Variants in NCOR2 observed in about 807,000 individuals in gnomAD.
The protein encoded by NCOR2 is nuclear receptor corepressor 2.
NCOR2 carries 81 observed loss-of-function variants against 262.9 expected under a neutral mutation model. The ratio of observed to expected loss-of-function variants is 0.31; its 90% confidence interval spans 0.26 to 0.37. NCOR2 has a LOEUF of 0.37. NCOR2 is among the 10% of genes least tolerant of loss of function. The pLI is 1.00. For missense variants in NCOR2, 3,385 were observed against 3,621.4 expected (o/e 0.93, Z 1.68); for synonymous variants, 1,659 against 1,559.3 (o/e 1.06, Z -1.51).
chr12:124,459,089 T>C (rs1361229404), intron 5 of NCOR2, among the ~76,000 whole-genome samples: 2 of 152,132 alleles, frequency 1.3e-5, no homozygotes, highest in Non-Finnish European at 2.9e-5. Flanking sequence ...GATAAAGGTA[T>C]GTGTGAAAGT....
At chr12:124,404,816 T>A (rs553902872) in intron 13 of NCOR2, among the ~76,000 whole-genome samples, 3 of 152,294 alleles carry the variant, frequency 2.0e-5, no homozygotes, top group Middle Eastern at 3.4e-3. Context: ...GAAGTCCTGA[T>A]GGAGATGAAA....
chr12:124,523,805 G>A lies in NCOR2; in HGVS notation c.-118+11760C>T, dbSNP rs971503989. Among the ~76,000 whole-genome samples the A allele has an allele frequency of 6.6e-6, 1 of 152,204 alleles. No homozygotes were observed. On this transcript the variant is annotated intron_variant, in intron 1 of 46. Transcript: ENST00000404621. The surrounding 1 kb of genome is among the most constrained non-coding windows in gnomAD (Gnocchi z 4.0). ...TTCCATTAATACATACTGGGAAACT[G>A]AGGCAGAGAGCAGTGAAGTGACTTG...
chr12:124,400,661 G>A (rs767128868), exon 15 of NCOR2: 48 of 1,613,992 alleles, frequency 3.0e-5, no homozygotes, highest in African/African-American at 5.3e-5. Flanking sequence ...CTGAGGTGTC[G>A]TCTGTCTTCT....
In NCOR2 at chr12:124,485,156, ATGTCCTCC is replaced by A. The variant is rs1266564385; in HGVS notation, c.233+1277_233+1284del. On this transcript the variant is annotated intron_variant, in intron 2 of 46. Transcript: ENST00000405201. ...TAGTGGCACTGCAGTGGCTCAAATA[ATGTCCTCC>A]CAAAATCCACGGCCACTGGAACCTC... is the stretch of plus-strand genomic sequence containing the variant. Among the ~76,000 whole-genome samples, 13 of 152,298 alleles carry A rather than the reference ATGTCCTCC, an allele frequency of 8.5e-5. No individual in the cohort carries two copies. In the East Asian group the frequency reaches 1.9e-3, roughly 23 times the overall value.
chr12:124,416,931 G>A (rs994913935), intron 13 of NCOR2, among the ~76,000 whole-genome samples: 6 of 152,224 alleles, frequency 3.9e-5, no homozygotes, highest in African/African-American at 1.4e-4. Context: ...CAATGGCTCT[G>A]AACAACCAGC....
chr12:124,404,860 T>A (rs928260991), intron 13 of NCOR2, among the ~76,000 whole-genome samples: 12 of 152,312 alleles, frequency 7.9e-5, no homozygotes, highest in African/African-American at 2.9e-4. Context: ...CCATGCCAAG[T>A]GCTTTGCAAA....
chr12:124,496,828 T>C (rs1454387075), upstream of NCOR2, among the ~76,000 whole-genome samples: 1 of 151,402 alleles, frequency 6.6e-6, no homozygotes, highest in Non-Finnish European at 1.5e-5. This position sits in a 1 kb window ranked among gnomAD's most constrained non-coding sequence, Gnocchi z 4.4. Flanking sequence ...AGGATGAGCC[T>C]GTGACCCAAT....
rs575246382 is a variant in NCOR2 at position 124,481,569 on chromosome 12, C to T, written c.411+2027G>A. Among the ~76,000 whole-genome samples, 15 of 152,150 alleles carry T rather than the reference C, an allele frequency of 9.9e-5. No homozygotes were observed. The highest frequency in any genetic ancestry group is 3.9e-4 in the East Asian group (2 of 5,190). ...AGGGCGCTCCTGCGGAGGGCACAGC[C>T]GGTGCAAAGGTCCCCAGGTGGGAAT... On this transcript the variant is annotated intron_variant, in intron 3 of 46. Transcript: ENST00000405201. This position sits in a 1 kb window ranked among gnomAD's most constrained non-coding sequence, Gnocchi z 4.6.
At chr12:124,362,372 C>T (rs941135986) in intron 21 of NCOR2, 75 bp from the exon 24 acceptor site, 59 of 1,291,464 alleles carry the variant, frequency 4.6e-5, no homozygotes, top group Non-Finnish European at 5.8e-5. Flanking sequence ...GACATGCACG[C>T]GACCAGCCTG....
chr12:124,337,095 C>T (rs2035955628), exon 38 of NCOR2: 2 of 1,508,888 alleles, frequency 1.3e-6, no homozygotes, highest in Non-Finnish European at 1.8e-6. Flanking sequence ...GTAGGGTAGA[C>T]CCCATCGAGG....
Position 124,566,714 on chromosome 12 carries a change from A to G in NCOR2, c.-165+594T>C. On this transcript the variant is annotated intron_variant, in intron 1 of 32. Coordinates refer to the NCOR2 transcript ENST00000458234. This position sits in a 1 kb window ranked among gnomAD's most constrained non-coding sequence, Gnocchi z 4.3. ...GGAGGCAGGCCCAGACACCAGGAAC[A>G]CCGGCCCGCGGGGGAGGGGGACCAG... Among the ~76,000 whole-genome samples the G allele has an allele frequency of 6.6e-6, 1 of 152,080 alleles. No homozygotes were observed. The highest frequency in any genetic ancestry group is 1.9e-4 in the East Asian group (1 of 5,170).
In NCOR2 at chr12:124,389,129, G is replaced by A. The variant is rs1013548178; in HGVS notation, c.1877-3242C>T. Reference sequence around the variant, plus strand: ...GATGCCCCTGGGCCAGGTATCACCGGGGCGCAGCGTGCCGAGCTCCTCCAG... The same window carrying A: ...GATGCCCCTGGGCCAGGTATCACCGAGGCGCAGCGTGCCGAGCTCCTCCAG... On this transcript the variant is annotated intron_variant, in intron 16 of 46. Transcript: ENST00000405201. This position sits in a 1 kb window ranked among gnomAD's most constrained non-coding sequence, Gnocchi z 4.4. 6.6e-6 allele frequency among the ~76,000 whole-genome samples: 1 copy of A among 152,244 alleles called. No individual in the cohort carries two copies. Among genetic ancestry groups the A allele is most frequent in the Non-Finnish European group, 1.5e-5 (1 of 68,036 alleles).
chr12:124,325,533 C>T (rs1421195924), exon 47 of NCOR2: 2 of 1,339,334 alleles, frequency 1.5e-6, no homozygotes, highest in South Asian at 2.0e-5. Context: ...GAAGCCATGA[C>T]ACCCGCCTGC....
intron 27 of NCOR2, among the ~76,000 whole-genome samples, chr12:124,351,057 C>A (rs1279917774): frequency 6.6e-6 from 1 of 152,170 alleles, no homozygotes; most frequent in Non-Finnish European, 1.5e-5. Flanking sequence ...AACCGAGGCA[C>A]AGGGAGGCAC....
At chr12:124,555,100 A>G (rs745836443) in intron 1 of NCOR2, among the ~76,000 whole-genome samples, 22 of 152,222 alleles carry the variant, frequency 1.4e-4, no homozygotes, top group Non-Finnish European at 2.8e-4. Context: ...TGAGCCAATG[A>G]TATCACCACT....
At chr12:124,344,350 T>C (rs1250387005) in intron 32 of NCOR2, among the ~76,000 whole-genome samples, 1 of 152,062 alleles carries the variant, frequency 6.6e-6, no homozygotes, top group African/African-American at 2.4e-5. Flanking sequence ...GCAGAGTGGA[T>C]TACAGCAGGA....
chr12:124,469,110 C>A (rs1192683405), intron 4 of NCOR2, among the ~76,000 whole-genome samples: 2 of 151,996 alleles, frequency 1.3e-5, no homozygotes, highest in East Asian at 3.9e-4. Flanking sequence ...AGGCTGAAGA[C>A]CAGAGGGTTT....
At chr12:124,487,358 G>T (rs1265952450) in intron 1 of NCOR2, among the ~76,000 whole-genome samples, 1 of 152,340 alleles carries the variant, frequency 6.6e-6, no homozygotes, top group Middle Eastern at 3.4e-3. Flanking sequence ...GGAACTCCCC[G>T]CTCGTATCAC....
intron 14 of NCOR2, among the ~76,000 whole-genome samples, chr12:124,401,881 AC>A (rs1202035168): frequency 6.6e-6 from 1 of 151,942 alleles, no homozygotes; most frequent in African/African-American, 2.4e-5. Context: ...AGCTGGCTGC[AC>A]TCCTGCAGCC....
Sources: allele counts gnomAD v4.1 joint callset (sites outside exome capture counted in the v4.1 genomes callset), GRCh38; gene constraint gnomAD v4.1.1; non-coding constraint Gnocchi (gnomAD v3.1); transcripts MANE v1.5; gene names NCBI Gene and HGNC (gene_info 2026-07-23, HGNC 2026-07-21).